CYFIP2: variants seen among roughly 807,000 people sequenced by gnomAD.
CYFIP2 encodes cytoplasmic FMR1 interacting protein 2.
Under a neutral mutation model 158.7 loss-of-function variants are expected in CYFIP2, and 29 were observed. The observed-to-expected ratio is 0.18, with a 90% CI of 0.14 to 0.25. CYFIP2 has a LOEUF of 0.25. Among genes scored for constraint, CYFIP2 ranks in the 10% least tolerant of loss-of-function variants. The pLI is 1.00. For missense variants in CYFIP2, 852 were observed against 1,639.5 expected, an observed-to-expected ratio of 0.52 and a Z score of 8.29; for synonymous variants, 585 against 617.6, an observed-to-expected ratio of 0.95 and a Z score of 0.78.
chr5:157,362,188 C>A (rs1046518475), intron 26 of CYFIP2, among the ~76,000 whole-genome samples: 48 of 152,168 alleles, frequency 3.2e-4, no homozygotes, highest in African/African-American at 9.7e-4. Context: ...TTAGGGTCAG[C>A]AGAAAAGAAT....
chr5:157,391,402 T>C (rs1767272542), intron 30 of CYFIP2, among the ~76,000 whole-genome samples: 1 of 152,168 alleles, frequency 6.6e-6, no homozygotes, highest in Non-Finnish European at 1.5e-5. Flanking sequence ...CTCCAGAGAT[T>C]TTTCATCTTC....
chr5:157,383,413 AT>A, intron 28 of CYFIP2, 54 bp downstream of exon 28: 1 of 1,510,762 alleles, frequency 6.6e-7, no homozygotes, highest in South Asian at 1.2e-5. Flanking sequence ...ACTTGAGAGC[AT>A]TTGACCAAAC....
intron 23 of CYFIP2, among the ~76,000 whole-genome samples, chr5:157,346,822 G>T (rs1479902160): frequency 6.6e-6 from 1 of 152,230 alleles, no homozygotes; most frequent in Non-Finnish European, 1.5e-5. Flanking sequence ...GTTGACGCCA[G>T]AAATGGAAAC....
intron 8 of CYFIP2, among the ~76,000 whole-genome samples, chr5:157,305,981 A>G (rs435903): frequency 0.64 from 97,476 of 152,048 alleles, 33,090 homozygotes; most frequent in Admixed American, 0.79. Flanking sequence ...AGCCTTCCTT[A>G]GCCATTATTC....
intron 26 of CYFIP2, chr5:157,375,945 T>C (rs1231174220): frequency 2.6e-5 from 4 of 152,232 alleles, no homozygotes; most frequent in African/African-American, 9.7e-5. Flanking sequence ...TAAGCCCCGT[T>C]AGAACTGAAA....
rs912575415 is a variant in CYFIP2 at position 157,320,514 on chromosome 5, C to A, written c.1524-141C>A. The A allele has an allele frequency of 1.1e-5, 12 of 1,105,088 alleles. No homozygotes were observed. In the African/African-American group the frequency reaches 1.6e-4, roughly 15 times the overall value. The allele number at this position is 1,105,088 out of a possible 1,614,324, so 68.5% of individuals were successfully genotyped here. The stretch of plus-strand genomic sequence containing the variant: ...TTAAACCAGAGTTTTGGAATTGGGG[C>A]AGAAATGAGCATGCTTTACAAGCAC... On this transcript the variant is annotated intron_variant, in intron 14 of 30. Coordinates refer to ENST00000620254, the MANE Select transcript of CYFIP2 (RefSeq NM_001037333.3).
In CYFIP2 at chr5:157,359,059, C is replaced by T. The variant is rs1343373167; in HGVS notation, c.2728C>T (p.Pro910Ser). ...IYSSYRNFVG[P>S]PHFKTICRLL... ...CAGCTCCTACAGGAATTTCGTGGGG[C>T]CACCTCATTTCAAGACTATCTGCAG... is the stretch of plus-strand genomic sequence containing the variant. The change falls in exon 24 of 31, where the codon CCA (proline) becomes TCA (serine). Residue 910 changes from proline to serine, a missense_variant. Around this residue, in one of 8 missense-constraint regions of CYFIP2, gnomAD observed 191 missense variants for 311.2 expected, o/e 0.61. Coordinates refer to ENST00000620254, the MANE Select transcript of CYFIP2 (RefSeq NM_001037333.3). 1.2e-6 allele frequency: 2 copies of T among 1,613,974 alleles called. No individual in the cohort carries two copies. The highest frequency in any genetic ancestry group is 4.5e-5 in the East Asian group (2 of 44,872).
intron 8 of CYFIP2, among the ~76,000 whole-genome samples, chr5:157,306,415 A>C (rs1759225863): frequency 6.6e-6 from 1 of 152,042 alleles, no homozygotes; most frequent in African/African-American, 2.4e-5. Flanking sequence ...GCGGCCTTCA[A>C]ATTCTCCAGC....
At chr5:157,315,463 A>G (rs1581041565) in intron 13 of CYFIP2, among the ~76,000 whole-genome samples, 1 of 152,234 alleles carries the variant, frequency 6.6e-6, no homozygotes, top group Non-Finnish European at 1.5e-5. Context: ...TCAGGATAGC[A>G]GAGATTTGAC....
chr5:157,390,551 T>C lies in CYFIP2; in HGVS notation c.3477T>C (p.Ala1159=), dbSNP rs752510462. The C allele has an allele frequency of 6.5e-7, 1 of 1,547,106 alleles. No individual in the cohort carries two copies. The highest frequency in any genetic ancestry group is 1.2e-5 in the South Asian group (1 of 84,034). The part of the protein sequence containing the change: ...EQCFGDGLNW[A]GCSIIVLLGQ... ...GTTTCGGCGATGGCTTGAACTGGGCTGGTTGCTCCATCATTGTCCTGCTGG... is the reference window on the plus strand; with the variant it reads ...GTTTCGGCGATGGCTTGAACTGGGCCGGTTGCTCCATCATTGTCCTGCTGG... The change falls in exon 30 of 31, where the codon GCT becomes GCC. Residue 1159 remains alanine (A), a synonymous_variant. Transcript: ENST00000620254.
chr5:157,347,407 G>T (rs1401885927), intron 23 of CYFIP2, among the ~76,000 whole-genome samples: 1 of 152,024 alleles, frequency 6.6e-6, no homozygotes, highest in Non-Finnish European at 1.5e-5. Context: ...ACAAGCCAGT[G>T]TTCCTTGATC....
intron 1 of CYFIP2, among the ~76,000 whole-genome samples, chr5:157,283,861 T>TC (rs1561688429): frequency 6.6e-6 from 1 of 151,992 alleles, no homozygotes; most frequent in African/African-American, 2.4e-5. Context: ...ATGGTCCTTT[T>TC]CCCCCCTAAT....
chr5:157,334,290 A>G (rs1045289955), intron 21 of CYFIP2, among the ~76,000 whole-genome samples: 6 of 152,238 alleles, frequency 3.9e-5, no homozygotes, highest in Admixed American at 1.3e-4. Flanking sequence ...ACAGAGTTTC[A>G]GTTGGAGAAG....
At chr5:157,384,714 C>T (rs1214019413) in intron 28 of CYFIP2, 7 of 347,086 alleles carry the variant, frequency 2.0e-5, no homozygotes, top group South Asian at 6.5e-5. Context: ...CCGAGGCAGG[C>T]GGATCACCTC....
chr5:157,371,989 T>C lies in CYFIP2; in HGVS notation c.3039+10391T>C, dbSNP rs80193762. ...ATGCAAAACTACTGAATCATAACTT[T>C]TACTCATTAACTCCTCCCAGAGAGA... On this transcript the variant is annotated intron_variant, in intron 26 of 30. Transcript: ENST00000620254. 5.9e-3 allele frequency among the ~76,000 whole-genome samples: 900 copies of C among 152,306 alleles called. 9 individuals carry two copies. Among genetic ancestry groups the C allele is most frequent in the Admixed American group, 0.01 (156 of 15,284 alleles).
intron 28 of CYFIP2, chr5:157,384,187 C>CA (rs1221770295): frequency 1.2e-5 from 5 of 419,684 alleles, no homozygotes; most frequent in African/African-American, 8.2e-5. Context: ...CGATGAACAT[C>CA]AAGATGAGTA....
chr5:157,296,781 G>A lies in CYFIP2; in HGVS notation c.387+7G>A. The A allele has an allele frequency of 6.2e-7, 1 of 1,610,546 alleles. No homozygotes were observed. Among genetic ancestry groups the A allele is most frequent in the Non-Finnish European group, 8.5e-7 (1 of 1,177,222 alleles). On this transcript the variant is annotated splice_region_variant and intron_variant, in intron 5 of 30. Transcript: ENST00000620254. ...GAAGTTCATGTATTTTCAGGTGAGT[G>A]GGGAGGGGCAGGTCTGCATCTGGAG...
intron 29 of CYFIP2, 76 bp from the exon 30 acceptor site, chr5:157,390,445 C>A: frequency 7.2e-7 from 1 of 1,387,034 alleles, no homozygotes; most frequent in Non-Finnish European, 9.8e-7. Flanking sequence ...TACTCCTGGC[C>A]CAAGATGAGG....
chr5:157,375,984 T>TG (rs2113470440), intron 26 of CYFIP2: 2 of 152,472 alleles, frequency 1.3e-5, no homozygotes, highest in Non-Finnish European at 2.9e-5. Flanking sequence ...CATAGCACTG[T>TG]GGCCCACACT....
Sources: gnomAD v4.1 joint callset for allele counts (sites outside exome capture counted in the v4.1 genomes callset) on GRCh38, gnomAD v4.1.1 for gene constraint, gnomAD v4.1.1 regional missense constraint, MANE v1.5 for transcripts, NCBI Gene and HGNC (gene_info 2026-07-23, HGNC 2026-07-21) for gene names.